Variants in BSN observed in about 807,000 individuals in gnomAD.
BSN encodes the protein bassoon presynaptic cytomatrix protein.
Under a neutral mutation model 264.8 loss-of-function variants are expected in BSN, and 57 were observed. That is an observed-to-expected ratio of 0.22 (90% CI 0.17 to 0.27). BSN has a LOEUF of 0.27. Among genes scored for constraint, BSN ranks in the 10% least tolerant of loss-of-function variants. The pLI is 1.00. For missense variants in BSN, 4,615 were observed against 5,232.5 expected (o/e 0.88, Z 3.64); for synonymous variants, 2,059 against 2,137.3 (o/e 0.96, Z 1.01).
At chr3:49,606,844 G>A (rs533104414) in intron 1 of BSN, among the ~76,000 whole-genome samples, 1 of 152,212 alleles carries the variant, frequency 6.6e-6, no homozygotes, top group Non-Finnish European at 1.5e-5. Context: ...GGCTGGGCAC[G>A]GTGGCTCACA....
intron 1 of BSN, among the ~76,000 whole-genome samples, chr3:49,613,503 T>C (rs1330813389): frequency 6.9e-6 from 1 of 145,712 alleles, no homozygotes; most frequent in African/African-American, 2.6e-5. Context: ...ATTATTATTA[T>C]TTTTTTTTGA....
At position 49,641,215 on chromosome 3, in the gene BSN, G is replaced by A. The variant is rs1247576124; in HGVS notation, c.634-1053G>A. 3.3e-5 allele frequency among the ~76,000 whole-genome samples: 5 copies of A among 152,242 alleles called. No individual in the cohort carries two copies. The East Asian group carries it at 9.7e-4, about 29-fold the overall frequency. ...TAGACTTGGGGCATAGCCAGATCCAGGGAATGGAATGAAGTCATCAGATCT... is the reference window on the plus strand; with the variant it reads ...TAGACTTGGGGCATAGCCAGATCCAAGGAATGGAATGAAGTCATCAGATCT... On this transcript the variant is annotated intron_variant, in intron 2 of 11. Coordinates refer to ENST00000296452, the MANE Select transcript of BSN (RefSeq NM_003458.4).
chr3:49,662,601 A>T (rs1445188507), intron 6 of BSN, 39 bp downstream of exon 6: 1 of 1,546,718 alleles, frequency 6.5e-7, no homozygotes, highest in Non-Finnish European at 8.7e-7. Context: ...GATACTCAGC[A>T]GCTGGGGGGC....
At chr3:49,584,024 C>A (rs1314817687) in intron 1 of BSN, among the ~76,000 whole-genome samples, 1 of 152,068 alleles carries the variant, frequency 6.6e-6, no homozygotes, top group Non-Finnish European at 1.5e-5. Flanking sequence ...CAGGTGCCCA[C>A]CACCATGCCC....
Position 49,585,075 on chromosome 3 carries a change from A to G in BSN, c.224+30249A>G, listed in dbSNP as rs555053436. Among the ~76,000 whole-genome samples, 1 of 152,310 alleles carries G rather than the reference A, an allele frequency of 6.6e-6. No homozygotes were observed. Among genetic ancestry groups the G allele is most frequent in the African/African-American group, 2.4e-5 (1 of 41,562 alleles). ...CCTAGGTTGCTTCGAAATCTTAGCT[A>G]TTATAAACAGTGCTGCGACAAACTC... On this transcript the variant is annotated intron_variant, in intron 1 of 11. Coordinates refer to ENST00000296452, the MANE Select transcript of BSN (RefSeq NM_003458.4). The surrounding 1 kb of genome is among the most constrained non-coding windows in gnomAD (Gnocchi z 4.7).
At chr3:49,667,243 T>C (rs1012257727) in intron 11 of BSN, among the ~76,000 whole-genome samples, 1 of 151,290 alleles carries the variant, frequency 6.6e-6, no homozygotes, top group African/African-American at 2.4e-5. Context: ...TTTACGGCAA[T>C]TTCAGAGATG....
At chr3:49,611,247 C>T (rs1487095959) in intron 1 of BSN, among the ~76,000 whole-genome samples, 1 of 152,160 alleles carries the variant, frequency 6.6e-6, no homozygotes, top group East Asian at 1.9e-4. Flanking sequence ...AGCATTGTCC[C>T]CTTGGTAAAA....
chr3:49,562,716 C>G (rs552488602), intron 1 of BSN, among the ~76,000 whole-genome samples: 8 of 152,114 alleles, frequency 5.3e-5, no homozygotes, highest in Non-Finnish European at 1.2e-4. Context: ...CCCGCCTCCT[C>G]CTCTGTGAAG....
chr3:49,592,005 C>G (rs1478831823), intron 1 of BSN, among the ~76,000 whole-genome samples: 7 of 152,146 alleles, frequency 4.6e-5, no homozygotes, highest in South Asian at 2.1e-4. Flanking sequence ...CAACACATCT[C>G]TCATTCACAA....
rs963756601 is a variant in BSN at position 49,656,766 on chromosome 3, C to T, written c.7210C>T (p.His2404Tyr). ...GCGGGAACGTGTGGAGCTGCAGAGG[C>T]ACCGTGAGGAGGAGCAGCTGCTGGT... ...LERERVELQR[H>Y]REEEQLLVQR... The change falls in exon 5 of 12, where the codon CAC becomes TAC. Residue 2404 changes from histidine (H) to tyrosine (Y), a missense_variant. Physicochemically the swap from His to Tyr is moderately conservative, Grantham distance 83. Coordinates refer to ENST00000296452, the MANE Select transcript of BSN (RefSeq NM_003458.4). 3.2e-6 allele frequency: 5 copies of T among 1,580,940 alleles called. No individual in the cohort carries two copies. In the African/African-American group the frequency reaches 6.7e-5, roughly 21 times the overall value.
chr3:49,657,506 A>C lies in BSN; in HGVS notation c.7950A>C (p.Ser2650=), dbSNP rs751307643. Residue 2650 remains serine, a synonymous_variant, in exon 5 of 12, where the codon TCA becomes TCC. Transcript: ENST00000296452. ...GSDSKHDATA[S]SSSAAATVRA... is the part of the protein sequence containing the mutation. ...ACAGCAAGCACGATGCCACTGCCTC[A>C]TCATCCAGTGCTGCTGCCACTGTGA... The C allele has an allele frequency of 5.6e-6, 9 of 1,613,048 alleles. No homozygotes were observed. In the East Asian group the frequency reaches 1.3e-4, roughly 24 times the overall value.
At position 49,657,397 on chromosome 3, in the gene BSN, C is replaced by T. The variant is rs751028351; in HGVS notation, c.7841C>T (p.Thr2614Met). The change falls in exon 5 of 12, where the codon ACG becomes ATG. Residue 2614 changes from threonine (T) to methionine (M), a missense_variant. Thr to Met is a moderately conservative substitution (Grantham distance 81). Transcript: ENST00000296452. ...CGGAGTGCTGACTGCAGTGTGCAGA[C>T]GGACGACGAAGACAGTGCTGAGTGG... is the stretch of plus-strand genomic sequence containing the variant. ...ARRSADCSVQ[T>M]DDEDSAEWEQ... 1.1e-5 allele frequency: 18 copies of T among 1,613,102 alleles called. 1 individual carries two copies. The highest frequency in any genetic ancestry group is 5.0e-5 in the Admixed American group (3 of 60,000).
chr3:49,661,955 C>A lies in BSN; in HGVS notation c.10110C>A (p.Ser3370=). ...AGCAGGGCATGGAGCAAAAGATATC[C>A]AAGTTCTCGCCTATTGAAGAGGCCA... ...HRKQGMEQKI[S]KFSPIEEAKD... is the part of the protein sequence containing the mutation. The change falls in exon 6 of 12, where the codon TCC becomes TCA. Residue 3370 remains serine (S), a synonymous_variant. Transcript: ENST00000296452. 6.2e-6 allele frequency: 10 copies of A among 1,614,006 alleles called. No homozygotes were observed. Among genetic ancestry groups the A allele is most frequent in the Non-Finnish European group, 7.6e-6 (9 of 1,180,032 alleles).
intron 1 of BSN, among the ~76,000 whole-genome samples, chr3:49,599,426 G>A (rs1028581725): frequency 2.0e-5 from 3 of 152,058 alleles, no homozygotes; most frequent in Non-Finnish European, 4.4e-5. Flanking sequence ...TGCCTCTCTT[G>A]GGGTGAAATT....
chr3:49,636,472 G>A (rs767557328), intron 2 of BSN, among the ~76,000 whole-genome samples: 25 of 152,172 alleles, frequency 1.6e-4, no homozygotes, highest in Non-Finnish European at 3.4e-4. Flanking sequence ...TGGGTCGGGA[G>A]GGGGGCTGTC....
At chr3:49,584,699 T>C (rs2108018545) in intron 1 of BSN, among the ~76,000 whole-genome samples, 1 of 152,326 alleles carries the variant, frequency 6.6e-6, no homozygotes, top group Non-Finnish European at 1.5e-5. Flanking sequence ...GTCACCTTGT[T>C]GTGCTATCAA....
rs775336149 is a variant in BSN, at chr3:49,657,328, A to T, written c.7772A>T (p.Asp2591Val). ...ADSSVQTDDE[D>V]GESRYLLSRR... ...AGCAGCGTGCAGACAGACGATGAGG[A>T]TGGGGAGAGCCGCTACCTCTTGAGT... The change falls in exon 5 of 12, where the codon GAT (aspartate) becomes GTT (valine). Residue 2591 changes from aspartate to valine, a missense_variant. Transcript: ENST00000296452. The T allele has an allele frequency of 6.2e-6, 10 of 1,613,462 alleles. No homozygotes were observed. The highest frequency in any genetic ancestry group is 7.6e-6 in the Non-Finnish European group (9 of 1,180,004).
Position 49,655,706 on chromosome 3 carries a change from C to A in BSN, c.6150C>A (p.Asp2050Glu), listed in dbSNP as rs754077314. The change falls in exon 5 of 12, where the codon GAC (aspartate) becomes GAA (glutamate). Residue 2050 changes from aspartate to glutamate, a missense_variant. Physicochemically the swap from Asp to Glu is conservative, Grantham distance 45 (BLOSUM62 2). Coordinates refer to ENST00000296452, the MANE Select transcript of BSN (RefSeq NM_003458.4). ...GSVTDLRHPT[D>E]LLAHPLPMRR... The stretch of plus-strand genomic sequence containing the variant: ...TCACGGACCTGCGTCATCCTACAGA[C>A]CTTTTGGCTCACCCGCTTCCCATGC... 12 of 1,613,568 alleles carry A rather than the reference C, an allele frequency of 7.4e-6. 1 individual carries two copies. The South Asian group carries it at 1.2e-4, about 16-fold the overall frequency.
intron 1 of BSN, among the ~76,000 whole-genome samples, chr3:49,559,950 T>A (rs1396972154): frequency 6.6e-6 from 1 of 152,248 alleles, no homozygotes; most frequent in African/African-American, 2.4e-5. Flanking sequence ...TTTGGGCTAA[T>A]TGGGAGCCAA....
Sources: allele counts gnomAD v4.1 joint callset (sites outside exome capture counted in the v4.1 genomes callset), GRCh38; gene constraint gnomAD v4.1.1; non-coding constraint Gnocchi (gnomAD v3.1); transcripts MANE v1.5; gene names NCBI Gene and HGNC (gene_info 2026-07-23, HGNC 2026-07-21).